Variants in APAF1 observed in about 807,000 individuals in gnomAD.
The protein encoded by APAF1 is apoptotic peptidase activating factor 1, also known as apoptotic protease-activating factor 1.
Under a neutral mutation model 152.4 loss-of-function variants are expected in APAF1, and 91 were observed. The ratio of observed to expected loss-of-function variants is 0.60; its 90% CI spans 0.50 to 0.71. The LOEUF (loss-of-function observed/expected upper bound fraction) is 0.71. Ranked by LOEUF, APAF1 falls within the 30% of genes least tolerant of loss-of-function variation. The pLI is 0.00. For missense variants in APAF1, 1,283 were observed against 1,472.0 expected (o/e 0.87, Z 2.10); for synonymous variants, 484 against 494.1 (o/e 0.98, Z 0.27).
chr12:98,731,602 G>A (rs1459909927), intron 26 of APAF1, among the ~76,000 whole-genome samples: 4 of 152,186 alleles, frequency 2.6e-5, no homozygotes, highest in Non-Finnish European at 5.9e-5. Context: ...CCACTCACAT[G>A]GGAAAGACAA....
At chr12:98,724,274 TAG>T (rs1279042901) in intron 24 of APAF1, among the ~76,000 whole-genome samples, 2 of 152,190 alleles carry the variant, frequency 1.3e-5, no homozygotes, top group Non-Finnish European at 2.9e-5. Flanking sequence ...TAGTGCATCT[TAG>T]AGTTATCTTC....
intron 10 of APAF1, among the ~76,000 whole-genome samples, chr12:98,669,309 A>G (rs2097677198): frequency 6.6e-6 from 1 of 152,162 alleles, no homozygotes; most frequent in Admixed American, 6.5e-5. Context: ...GACATGTATG[A>G]TAGTGTGGCA....
In APAF1 at chr12:98,732,642, A is replaced by G. The variant is rs1373347578; in HGVS notation, c.*76A>G. 11 of 972,408 alleles carry G rather than the reference A, an allele frequency of 1.1e-5. No individual in the cohort carries two copies. The African/African-American group carries it at 1.5e-4, about 13-fold the overall frequency. 60.2% of individuals were successfully genotyped at this position (972,408 alleles called of 1,614,324 possible). On this transcript the variant is annotated 3_prime_UTR_variant, in exon 27 of 27. Coordinates refer to ENST00000551964, the MANE Select transcript of APAF1 (RefSeq NM_181861.2). Reference sequence around the variant, plus strand: ...AAAATTCTAATGAAACCCTGATATCAACTTTTTATAAAGCTCTTAATTGTT... The same window carrying G: ...AAAATTCTAATGAAACCCTGATATCGACTTTTTATAAAGCTCTTAATTGTT...
intron 13 of APAF1, among the ~76,000 whole-genome samples, chr12:98,679,018 C>T (rs1239270408): frequency 1.3e-5 from 2 of 152,176 alleles, no homozygotes; most frequent in African/African-American, 4.8e-5. Context: ...CAATGAGGCC[C>T]CACCTTCAGG....
rs1174338455 is a variant in APAF1 at position 98,723,250 on chromosome 12, A to G, written c.3142A>G (p.Lys1048Glu). The G allele has an allele frequency of 1.9e-6, 3 of 1,613,620 alleles. No individual in the cohort carries two copies. Among genetic ancestry groups the G allele is most frequent in the Non-Finnish European group, 2.5e-6 (3 of 1,179,558 alleles). Residue 1048 changes from lysine (K) to glutamate (E), a missense_variant, in exon 23 of 27, where the codon AAA becomes GAA. By Grantham distance (56) the Lys-to-Glu change is moderately conservative. Coordinates refer to ENST00000551964, the MANE Select transcript of APAF1 (RefSeq NM_181861.2). ...TCTACGAGGCCATCAGGAAACAGTG[A>G]AAGACTTTAGACTCTTGAAAAATTC... is the stretch of plus-strand genomic sequence containing the variant. The part of the protein sequence containing the change: ...IFLRGHQETV[K>E]DFRLLKNSRL...
chr12:98,718,752 T>C (rs529331747), intron 22 of APAF1, among the ~76,000 whole-genome samples: 1 of 151,398 alleles, frequency 6.6e-6, no homozygotes, highest in African/African-American at 2.4e-5. Context: ...CTGGGCAACA[T>C]AGCGAGACCC....
At chr12:98,647,831 A>T in intron 1 of APAF1, among the ~76,000 whole-genome samples, 2 of 149,478 alleles carry the variant, frequency 1.3e-5, no homozygotes, top group East Asian at 4.0e-4. Context: ...CCTAATTTTT[A>T]AAATCTATAT....
intron 20 of APAF1, among the ~76,000 whole-genome samples, chr12:98,709,766 G>T (rs2153338511): frequency 6.6e-6 from 1 of 152,330 alleles, no homozygotes; most frequent in Non-Finnish European, 1.5e-5. Flanking sequence ...AAGGGCAGGA[G>T]GTGGCATGGC....
Position 98,732,722 on chromosome 12 carries a change from G to A in APAF1, c.*156G>A, listed in dbSNP as rs1225245897. The A allele has an allele frequency of 1.6e-6, 1 of 607,262 alleles. No homozygotes were observed. The highest frequency in any genetic ancestry group is 1.9e-5 in the African/African-American group (1 of 53,966). 37.6% of individuals were successfully genotyped at this position (607,262 alleles called of 1,614,324 possible). A position where few individuals can be genotyped will look rare whatever the true frequency, so the allele number is the denominator to read the frequency against. ...TTGTGGTTGGATGAATAATATTAATGTAGCTTTTTCCCAAATGAACATACC... is the reference window on the plus strand; with the variant it reads ...TTGTGGTTGGATGAATAATATTAATATAGCTTTTTCCCAAATGAACATACC... On this transcript the variant is annotated 3_prime_UTR_variant, in exon 27 of 27. Transcript: ENST00000551964.
At chr12:98,664,816 C>T (rs902505931) in intron 7 of APAF1, among the ~76,000 whole-genome samples, 4 of 152,100 alleles carry the variant, frequency 2.6e-5, no homozygotes. Context: ...ACTACAGACA[C>T]ATGTCGCCAC....
intron 15 of APAF1, 55 bp from the exon 16 acceptor site, chr12:98,686,690 CTGA>C: frequency 6.5e-7 from 1 of 1,529,884 alleles, no homozygotes; most frequent in Non-Finnish European, 9.0e-7. Flanking sequence ...CACATGATTT[CTGA>C]TGTTTCCCCA....
At chr12:98,668,009 C>T (rs959115748) in intron 10 of APAF1, among the ~76,000 whole-genome samples, 3 of 151,878 alleles carry the variant, frequency 2.0e-5, no homozygotes, top group South Asian at 2.1e-4. Context: ...CTGAGCTTGA[C>T]GTGAGCTCAA....
At chr12:98,670,354 T>C (rs1054750381) in intron 10 of APAF1, among the ~76,000 whole-genome samples, 1 of 152,228 alleles carries the variant, frequency 6.6e-6, no homozygotes, top group African/African-American at 2.4e-5. Flanking sequence ...CATCTGTGCT[T>C]TTTGTTTTGT....
chr12:98,661,749 C>T (rs1384721827), intron 5 of APAF1, among the ~76,000 whole-genome samples: 1 of 151,750 alleles, frequency 6.6e-6, no homozygotes, highest in East Asian at 1.9e-4. Flanking sequence ...GATTACAGGC[C>T]TAGAGTATTT....
intron 22 of APAF1, 99 bp downstream of exon 22, chr12:98,715,651 C>T (rs549713023): frequency 2.3e-5 from 31 of 1,366,946 alleles, no homozygotes; most frequent in Admixed American, 1.5e-4. Context: ...AAACACATTA[C>T]GTTGGGCATA....
intron 17 of APAF1, among the ~76,000 whole-genome samples, chr12:98,703,037 TC>T (rs1308681614): frequency 6.6e-6 from 1 of 152,214 alleles, no homozygotes; most frequent in Non-Finnish European, 1.5e-5. Flanking sequence ...GTATTCATTT[TC>T]TCTTTTGAAT....
Position 98,645,777 on chromosome 12 carries a change from T to A in APAF1, c.-100T>A, listed in dbSNP as rs1163353512. 1.3e-5 allele frequency: 2 copies of A among 152,370 alleles called. No homozygotes were observed. Among genetic ancestry groups the A allele is most frequent in the Non-Finnish European group, 2.9e-5 (2 of 68,146 alleles). The allele number at this position is 152,370 out of a possible 1,614,324, so 9.4% of individuals were successfully genotyped here. ...CGTTTCCCTCCACCGGCCTGGAGTCTCCCAGTCTTGTCCCGGCAGTGCCGC... is the reference window on the plus strand; with the variant it reads ...CGTTTCCCTCCACCGGCCTGGAGTCACCCAGTCTTGTCCCGGCAGTGCCGC... On this transcript the variant is annotated 5_prime_UTR_variant, in exon 1 of 27. Transcript: ENST00000551964.
At chr12:98,689,478 G>C (rs2097701801) in intron 16 of APAF1, among the ~76,000 whole-genome samples, 1 of 144,848 alleles carries the variant, frequency 6.9e-6, no homozygotes, top group Admixed American at 6.8e-5. Flanking sequence ...GTGTGTCTGT[G>C]TGTGTGTGTG....
chr12:98,697,137 G>A (rs997877213), intron 16 of APAF1, among the ~76,000 whole-genome samples: 5 of 152,146 alleles, frequency 3.3e-5, no homozygotes, highest in African/African-American at 1.2e-4. Flanking sequence ...ATAGGCTCTA[G>A]GCCCTGGAGT....
Sources: allele counts gnomAD v4.1 joint callset (sites outside exome capture counted in the v4.1 genomes callset), GRCh38; gene constraint gnomAD v4.1.1; transcripts MANE v1.5; gene names NCBI Gene and HGNC (gene_info 2026-07-23, HGNC 2026-07-21).